The following ANKRD36C variants were observed in gnomAD, a reference collection of about 807,000 sequenced individuals.
The protein encoded by ANKRD36C is ankyrin repeat domain 36C, also known as ankyrin repeat domain-containing protein 36C.
In ANKRD36C, 61 loss-of-function variants were observed where a neutral mutation model predicts 276.4. The ratio of observed to expected loss-of-function variants is 0.22; its 90% CI spans 0.18 to 0.27. The LOEUF (loss-of-function observed/expected upper bound fraction) is 0.27, where lower values mean the gene tolerates loss of function less well. Ranked by LOEUF, ANKRD36C falls within the 10% of genes least tolerant of loss-of-function variation. The pLI, the probability that ANKRD36C is intolerant of heterozygous loss-of-function variation, is 1.00. For missense variants in ANKRD36C, 1,447 were observed against 2,032.3 expected (o/e 0.71, Z 5.54); for synonymous variants, 483 against 680.1 (o/e 0.71, Z 4.51).
At chr2:95,902,101 A>T (rs923876000) in intron 42 of ANKRD36C, among the ~76,000 whole-genome samples, 1 of 149,286 alleles carries the variant, frequency 6.7e-6, no homozygotes, top group African/African-American at 2.5e-5. Context: ...AAGTTTCATT[A>T]AATAGCTATT....
chr2:95,855,931 T>G, exon 63 of ANKRD36C: 1 of 1,613,668 alleles, frequency 6.2e-7, no homozygotes, highest in South Asian at 1.1e-5. Flanking sequence ...CGGAGCGTTG[T>G]GTTTTCATCC....
intron 54 of ANKRD36C, among the ~76,000 whole-genome samples, chr2:95,883,644 C>T (rs991171925): frequency 4.6e-5 from 7 of 151,990 alleles, no homozygotes; most frequent in Admixed American, 3.9e-4. Flanking sequence ...TCTGAACTCA[C>T]GTTTCCTCAG....
exon 1 of ANKRD36C, chr2:95,991,574 C>T (rs1485522937): frequency 6.2e-7 from 1 of 1,613,658 alleles, no homozygotes; most frequent in African/African-American, 1.3e-5. Context: ...TCAGTTCCTC[C>T]AGATCACGAT....
chr2:95,925,564 A>G lies in ANKRD36C; in HGVS notation c.1940-17T>C. 2 of 1,539,444 alleles carry G rather than the reference A, an allele frequency of 1.3e-6. No individual in the cohort carries two copies. Among genetic ancestry groups the G allele is most frequent in the Non-Finnish European group, 1.8e-6 (2 of 1,139,636 alleles). ...GAGGAGACACTGAAAAGTAAAAGAA[A>G]TATATAATTCATCATATGTAAATAT... On this transcript the variant is annotated splice_polypyrimidine_tract_variant and intron_variant, in intron 28 of 66. Transcript: ENST00000456556.
chr2:95,889,849 G>A, exon 48 of ANKRD36C: 1 of 1,603,446 alleles, frequency 6.2e-7, no homozygotes, highest in Non-Finnish European at 8.5e-7. Context: ...ATTCGGAACA[G>A]AATTTTCCTT....
In ANKRD36C at chr2:95,888,291, G is replaced by A. The variant is rs754244737; in HGVS notation, c.2960-171C>T. On this transcript the variant is annotated intron_variant, in intron 48 of 66. Coordinates refer to ENST00000456556, the Ensembl canonical transcript of ANKRD36C. ...AATATGACAGAAATACACTGAAAAA[G>A]GTGAATACAGGCTTCACAAAATATA... Among the ~76,000 whole-genome samples, 137 of 151,674 alleles carry A rather than the reference G, an allele frequency of 9.0e-4. No homozygotes were observed. In the Middle Eastern group the frequency reaches 0.014, roughly 15 times the overall value.
At chr2:95,859,021 TAAG>T (rs1675495345) in intron 61 of ANKRD36C, among the ~76,000 whole-genome samples, 1 of 152,064 alleles carries the variant, frequency 6.6e-6, no homozygotes, top group African/African-American at 2.4e-5. Context: ...CCCTACATAT[TAAG>T]AATAAAACTG....
chr2:95,989,890 G>A (rs1248912821), intron 1 of ANKRD36C, among the ~76,000 whole-genome samples: 1 of 151,582 alleles, frequency 6.6e-6, no homozygotes, highest in African/African-American at 2.4e-5. Context: ...ATGTGCATAG[G>A]TTGCTTGAAT....
chr2:95,977,047 G>A (rs1417221171), intron 6 of ANKRD36C, among the ~76,000 whole-genome samples: 1 of 151,466 alleles, frequency 6.6e-6, no homozygotes, highest in Non-Finnish European at 1.5e-5. Flanking sequence ...CGATGACTTT[G>A]CCTAATAATT....
chr2:95,960,429 C>G, intron 10 of ANKRD36C, 44 bp downstream of exon 10: 1 of 1,539,974 alleles, frequency 6.5e-7, no homozygotes, highest in Admixed American at 2.0e-5. Flanking sequence ...AAGTTCTCCT[C>G]TATCTTCAGT....
At chr2:95,937,995 G>A (rs1328271067) in intron 22 of ANKRD36C, among the ~76,000 whole-genome samples, 2 of 151,850 alleles carry the variant, frequency 1.3e-5, no homozygotes, top group Non-Finnish European at 2.9e-5. Context: ...ACAAAACAAA[G>A]ATGACCAAAC....
At chr2:95,876,595 T>C (rs1012297300) in intron 58 of ANKRD36C, 83 bp from the exon 79 acceptor site, 21 of 704,934 alleles carry the variant, frequency 3.0e-5, no homozygotes, top group Non-Finnish European at 5.1e-5. Flanking sequence ...CTCACGCCTG[T>C]AATCCCAGCA....
chr2:95,930,058 C>T (rs929863646), intron 24 of ANKRD36C, among the ~76,000 whole-genome samples: 8 of 151,554 alleles, frequency 5.3e-5, no homozygotes, highest in Admixed American at 3.3e-4. Context: ...CTCCAATATT[C>T]CTTGAAAATA....
intron 44 of ANKRD36C, 105 bp from the exon 63 acceptor site, chr2:95,893,829 G>A (rs1195836969): frequency 6.4e-7 from 1 of 1,571,064 alleles, no homozygotes; most frequent in East Asian, 2.3e-5. Context: ...GCCTGTATTA[G>A]CGTAGGCTTT....
At chr2:95,914,559 G>A (rs1038680862) in intron 38 of ANKRD36C, among the ~76,000 whole-genome samples, 1 of 151,422 alleles carries the variant, frequency 6.6e-6, no homozygotes, top group Admixed American at 6.6e-5. Flanking sequence ...ATAAAACCGT[G>A]TCAATCTCAA....
chr2:95,922,549 G>A lies in ANKRD36C; in HGVS notation c.2144-739C>T, dbSNP rs568590474. On this transcript the variant is annotated intron_variant, in intron 32 of 66. Transcript: ENST00000456556. The stretch of plus-strand genomic sequence containing the variant: ...TGACATACTTCTACTAAATAAAACT[G>A]CTAAAAGCATTGGATATTGATAAGC... Among the ~76,000 whole-genome samples the A allele has an allele frequency of 3.3e-5, 5 of 151,558 alleles. No homozygotes were observed. In the South Asian group the frequency reaches 1.0e-3, roughly 32 times the overall value.
At chr2:95,889,750 T>C in intron 48 of ANKRD36C, 49 bp downstream of exon 68, 1 of 1,540,284 alleles carries the variant, frequency 6.5e-7, no homozygotes, top group South Asian at 1.2e-5. Context: ...GAAGAGAAGA[T>C]CTCTTCTATC....
At chr2:95,908,738 A>G (rs1676821904) in intron 42 of ANKRD36C, 41 bp from the exon 47 acceptor site, 3 of 1,541,374 alleles carry the variant, frequency 1.9e-6, no homozygotes, top group Admixed American at 2.0e-5. Context: ...ATATGTAAAA[A>G]TGACAAAATT....
intron 58 of ANKRD36C, among the ~76,000 whole-genome samples, chr2:95,876,949 A>G (rs1675972683): frequency 6.6e-6 from 1 of 150,844 alleles, no homozygotes; most frequent in African/African-American, 2.4e-5. Context: ...TTCTTTAAGA[A>G]AGGCTTTTAA....
Sources: gnomAD v4.1 joint callset for allele counts (sites outside exome capture counted in the v4.1 genomes callset) on GRCh38, gnomAD v4.1.1 for gene constraint, MANE v1.5 for transcripts, NCBI Gene and HGNC (gene_info 2026-07-23, HGNC 2026-07-21) for gene names.